ASTN2: variants seen among roughly 807,000 people sequenced by gnomAD.
The protein encoded by ASTN2 is astrotactin 2.
In ASTN2, 54 loss-of-function variants were observed where a neutral mutation model predicts 139.8. The ratio of observed to expected loss-of-function variants is 0.39; its 90% CI spans 0.31 to 0.48. The LOEUF (loss-of-function observed/expected upper bound fraction) is 0.48. Among genes scored for constraint, ASTN2 ranks in the 20% least tolerant of loss-of-function variants. The pLI is 0.95. For missense variants in ASTN2, 1,565 were observed against 1,725.1 expected, an observed-to-expected ratio of 0.91 and a Z score of 1.64; for synonymous variants, 756 against 719.5, an observed-to-expected ratio of 1.05 and a Z score of -0.81.
rs1338091432 is a variant in ASTN2, at chr9:116,686,672, A to T, written c.2807-34879T>A. 9.0e-6 allele frequency: 14 copies of T among 1,548,972 alleles called. No individual in the cohort carries two copies. The Admixed American group carries it at 2.7e-4, about 30-fold the overall frequency. ...CCTCCACCTTCACCCGAGCAAAACTACACTTGGTTTGGGTTCCCGGGTACC... is the reference window on the plus strand; with the variant it reads ...CCTCCACCTTCACCCGAGCAAAACTTCACTTGGTTTGGGTTCCCGGGTACC... On this transcript the variant is annotated intron_variant, in intron 16 of 22. Coordinates refer to ENST00000313400, the MANE Select transcript of ASTN2 (RefSeq NM_001365068.1).
At chr9:116,922,697 T>G (rs557405603) in intron 10 of ASTN2, among the ~76,000 whole-genome samples, 1 of 152,086 alleles carries the variant, frequency 6.6e-6, no homozygotes, top group African/African-American at 2.4e-5. Flanking sequence ...GGAGACATCT[T>G]TAAAACTTCG....
chr9:116,757,429 C>T (rs1458325484), intron 13 of ASTN2, among the ~76,000 whole-genome samples: 1 of 152,124 alleles, frequency 6.6e-6, no homozygotes, highest in Non-Finnish European at 1.5e-5. Context: ...ATGCCCATGG[C>T]TCAGGGTGTG....
intron 6 of ASTN2, among the ~76,000 whole-genome samples, chr9:117,019,537 T>G (rs1281536683): frequency 1.3e-5 from 2 of 152,098 alleles, no homozygotes; most frequent in Non-Finnish European, 2.9e-5. Flanking sequence ...CAACCAGCCT[T>G]TCACCAGCCA....
intron 2 of ASTN2, among the ~76,000 whole-genome samples, chr9:117,228,234 G>C (rs1349508366): frequency 6.6e-6 from 1 of 152,004 alleles, no homozygotes; most frequent in Non-Finnish European, 1.5e-5. Flanking sequence ...TTGTTAAAGA[G>C]AGGGACTCCA....
At chr9:116,900,261 G>T (rs1316310192) in intron 10 of ASTN2, among the ~76,000 whole-genome samples, 1 of 152,166 alleles carries the variant, frequency 6.6e-6, no homozygotes. Flanking sequence ...CACCATGCTG[G>T]ATCCTCATCT....
chr9:117,193,164 T>C (rs191990761), intron 3 of ASTN2, among the ~76,000 whole-genome samples: 1 of 152,140 alleles, frequency 6.6e-6, no homozygotes, highest in African/African-American at 2.4e-5. Context: ...TGCAATCCTG[T>C]CTCCCCCTGT....
intron 16 of ASTN2, among the ~76,000 whole-genome samples, chr9:116,660,168 G>GCGCA (rs139281552): frequency 3.3e-4 from 48 of 146,686 alleles, no homozygotes; most frequent in East Asian, 1.0e-3. Flanking sequence ...TATTGCAAGC[G>GCGCA]CACACACACA....
intron 5 of ASTN2, among the ~76,000 whole-genome samples, chr9:117,060,325 AGAAAGAAAGAAAGAAAGAGAG>A (rs1458361493): frequency 0.026 from 2,808 of 107,672 alleles, 357 homozygotes; most frequent in East Asian, 0.051. Flanking sequence ...GAAAAAAGAA[AGAAAGAAAGAAAGAAAGAGAG>A]AAAGAAAGAA....
At chr9:116,607,195 G>C (rs887115318) in intron 19 of ASTN2, among the ~76,000 whole-genome samples, 6 of 152,180 alleles carry the variant, frequency 3.9e-5, no homozygotes, top group African/African-American at 1.4e-4. Flanking sequence ...AGTTAATGCA[G>C]AGTCGAAAAG....
At chr9:116,888,166 G>A (rs1408820889) in intron 10 of ASTN2, among the ~76,000 whole-genome samples, 1 of 152,114 alleles carries the variant, frequency 6.6e-6, no homozygotes, top group Non-Finnish European at 1.5e-5. Flanking sequence ...AGATTGGGAG[G>A]CTGAGGTGGG....
intron 6 of ASTN2, among the ~76,000 whole-genome samples, chr9:117,009,148 G>GATCTTCAGATT (rs1256625209): frequency 6.6e-6 from 1 of 152,132 alleles, no homozygotes; most frequent in African/African-American, 2.4e-5. Context: ...AGTGGCACTA[G>GATCTTCAGATT]ATCTTCAGAT....
intron 3 of ASTN2, among the ~76,000 whole-genome samples, chr9:117,175,068 TA>T (rs1302747091): frequency 2.0e-5 from 3 of 151,826 alleles, no homozygotes; most frequent in Non-Finnish European, 2.9e-5. Context: ...CATGAAAATT[TA>T]AAAAAAATCT....
chr9:116,855,608 C>T (rs1477433566), intron 11 of ASTN2, among the ~76,000 whole-genome samples: 2 of 152,198 alleles, frequency 1.3e-5, no homozygotes, highest in Non-Finnish European at 2.9e-5. Context: ...CTTCATGCTT[C>T]CTGACATTGG....
At chr9:116,948,398 C>G (rs548279668) in intron 10 of ASTN2, among the ~76,000 whole-genome samples, 3 of 152,008 alleles carry the variant, frequency 2.0e-5, no homozygotes, top group Admixed American at 1.3e-4. Flanking sequence ...CAACTTGTAC[C>G]AAATTTGACC....
chr9:116,896,524 G>A (rs1376090140), intron 10 of ASTN2, among the ~76,000 whole-genome samples: 2 of 152,068 alleles, frequency 1.3e-5, no homozygotes, highest in Admixed American at 6.6e-5. Context: ...TCACCATGTT[G>A]GCCAGGATGG....
At chr9:117,177,005 C>G (rs190525366) in intron 3 of ASTN2, among the ~76,000 whole-genome samples, 1 of 152,292 alleles carries the variant, frequency 6.6e-6, no homozygotes, top group Admixed American at 6.5e-5. Context: ...AGCATTCTAG[C>G]AGACAGTACA....
At chr9:117,366,385 T>A (rs1184489893) in intron 1 of ASTN2, among the ~76,000 whole-genome samples, 7 of 152,146 alleles carry the variant, frequency 4.6e-5, no homozygotes, top group Non-Finnish European at 8.8e-5. Context: ...CAACCCTGTG[T>A]GGGAAGCAGA....
intron 19 of ASTN2, among the ~76,000 whole-genome samples, chr9:116,557,995 A>T (rs1328496553): frequency 1.3e-5 from 2 of 152,192 alleles, no homozygotes; most frequent in African/African-American, 4.8e-5. Context: ...ACAGAGCTAT[A>T]AGCATAGAAA....
chr9:116,527,018 C>T (rs1323038966), intron 19 of ASTN2, among the ~76,000 whole-genome samples: 2 of 152,114 alleles, frequency 1.3e-5, no homozygotes, highest in African/African-American at 4.8e-5. Context: ...ATTGGACTCT[C>T]ACATCATGTA....
Sources: allele counts gnomAD v4.1 joint callset (sites outside exome capture counted in the v4.1 genomes callset), GRCh38; gene constraint gnomAD v4.1.1; transcripts MANE v1.5; gene names NCBI Gene and HGNC (gene_info 2026-07-23, HGNC 2026-07-21).